RHBDD1: variants seen among roughly 807,000 people sequenced by gnomAD.
RHBDD1 encodes rhomboid-related protein 4.
In RHBDD1, 38 loss-of-function variants were observed where a neutral mutation model predicts 36.3. The observed-to-expected ratio is 1.05, with a 90% CI of 0.81 to 1.37. RHBDD1 has a LOEUF of 1.37. Ranked by LOEUF, RHBDD1 falls within the 40% of genes most tolerant of loss-of-function variation. The probability of loss-of-function intolerance (pLI) is 0.00; values close to 1 mark genes in which losing one functional copy is unlikely to be tolerated. For missense variants in RHBDD1, 393 were observed against 377.6 expected, an observed-to-expected ratio of 1.04 and a Z score of -0.34; for synonymous variants, 151 against 136.5, an observed-to-expected ratio of 1.11 and a Z score of -0.74.
At chr2:226,861,508 T>C (rs1943851165) in intron 3 of RHBDD1, among the ~76,000 whole-genome samples, 1 of 152,230 alleles carries the variant, frequency 6.6e-6, no homozygotes, top group South Asian at 2.1e-4. Context: ...TGATTGTAAT[T>C]GAGGGGCAAG....
At chr2:226,879,687 C>T (rs533318748) in intron 5 of RHBDD1, among the ~76,000 whole-genome samples, 3 of 152,260 alleles carry the variant, frequency 2.0e-5, no homozygotes, top group African/African-American at 7.2e-5. Flanking sequence ...GTATTTCTGA[C>T]AGCTTGGTAG....
intron 4 of RHBDD1, among the ~76,000 whole-genome samples, chr2:226,866,247 T>G (rs1944324670): frequency 6.6e-6 from 1 of 152,082 alleles, no homozygotes; most frequent in Admixed American, 6.6e-5. Flanking sequence ...AATTTTTGTA[T>G]TTTTAGTACA....
chr2:226,984,980 A>G (rs1039407602), intron 8 of RHBDD1, among the ~76,000 whole-genome samples: 1 of 150,742 alleles, frequency 6.6e-6, no homozygotes, highest in Non-Finnish European at 1.5e-5. Flanking sequence ...GGGGGCAAGT[A>G]CAAGTGGGGG....
intron 8 of RHBDD1, among the ~76,000 whole-genome samples, chr2:226,986,275 C>G (rs563511618): frequency 6.6e-6 from 1 of 151,840 alleles, no homozygotes; most frequent in East Asian, 1.9e-4. Context: ...GATTGGACCC[C>G]GAACAGAAAA....
chr2:226,830,867 A>ACCATCTTG (rs1940724139), upstream of RHBDD1, among the ~76,000 whole-genome samples: 1 of 152,104 alleles, frequency 6.6e-6, no homozygotes, highest in Non-Finnish European at 1.5e-5. Flanking sequence ...ATAGGATCTC[A>ACCATCTTG]CCATCTTGCC....
At chr2:226,935,768 A>G (rs551294771) in intron 8 of RHBDD1, among the ~76,000 whole-genome samples, 3 of 152,238 alleles carry the variant, frequency 2.0e-5, no homozygotes, top group Admixed American at 1.3e-4. Flanking sequence ...TTTTTGACAT[A>G]CAGGTCTCAG....
chr2:226,971,421 A>G (rs1953475581), intron 8 of RHBDD1, among the ~76,000 whole-genome samples: 1 of 152,220 alleles, frequency 6.6e-6, no homozygotes, highest in Non-Finnish European at 1.5e-5. Flanking sequence ...GGCATCTTCA[A>G]GCTGTGTATC....
At chr2:226,848,422 G>A (rs1020664763) in intron 3 of RHBDD1, among the ~76,000 whole-genome samples, 2 of 152,170 alleles carry the variant, frequency 1.3e-5, no homozygotes, top group African/African-American at 2.4e-5. Context: ...GATAGTCAAA[G>A]TGTCATATCT....
intron 5 of RHBDD1, among the ~76,000 whole-genome samples, chr2:226,884,853 A>T (rs1946079887): frequency 6.6e-6 from 1 of 152,176 alleles, no homozygotes. Flanking sequence ...GGAAAATTTT[A>T]ATTTCTAAGC....
chr2:226,886,585 G>A (rs565914445), intron 5 of RHBDD1, among the ~76,000 whole-genome samples: 2 of 152,298 alleles, frequency 1.3e-5, no homozygotes, highest in East Asian at 3.9e-4. Flanking sequence ...ACAAGATTAG[G>A]CTACAAAGGC....
chr2:226,959,262 T>C (rs2149258168), intron 8 of RHBDD1, among the ~76,000 whole-genome samples: 1 of 152,350 alleles, frequency 6.6e-6, no homozygotes, highest in East Asian at 1.9e-4. Flanking sequence ...TATACAGTTA[T>C]TAATTTGGAT....
At chr2:226,945,083 A>G (rs1950885562) in intron 8 of RHBDD1, among the ~76,000 whole-genome samples, 1 of 151,862 alleles carries the variant, frequency 6.6e-6, no homozygotes, top group South Asian at 2.1e-4. Context: ...TGAAGGGCTC[A>G]GTATGATGTG....
At chr2:226,818,736 G>T in the RHBDD1 span, among the ~76,000 whole-genome samples, 1 of 151,926 alleles carries the variant, frequency 6.6e-6, no homozygotes, top group African/African-American at 2.4e-5. Flanking sequence ...CTACTTGGGA[G>T]GCTGAGGCAG....
intron 5 of RHBDD1, among the ~76,000 whole-genome samples, chr2:226,890,463 T>A (rs918832933): frequency 6.6e-6 from 1 of 152,212 alleles, no homozygotes; most frequent in Admixed American, 6.5e-5. Flanking sequence ...GTAGTAACAT[T>A]CTTCTTGACT....
intron 8 of RHBDD1, among the ~76,000 whole-genome samples, chr2:226,925,523 C>A (rs1949609535): frequency 6.6e-6 from 1 of 152,014 alleles, no homozygotes; most frequent in South Asian, 2.1e-4. Flanking sequence ...ATAAAATAAG[C>A]CAACTCAAAC....
intron 4 of RHBDD1, among the ~76,000 whole-genome samples, chr2:226,866,268 C>T (rs1257915064): frequency 6.6e-6 from 1 of 152,132 alleles, no homozygotes; most frequent in Non-Finnish European, 1.5e-5. Context: ...GATGGGGTTT[C>T]ACCATGCTGG....
At chr2:226,900,352 A>T (rs1038325122) in intron 5 of RHBDD1, among the ~76,000 whole-genome samples, 1 of 152,106 alleles carries the variant, frequency 6.6e-6, no homozygotes, top group Non-Finnish European at 1.5e-5. Context: ...CCCTGGAAAA[A>T]TTATTTTTCT....
At chr2:226,970,387 T>TG (rs1417316434) in intron 8 of RHBDD1, among the ~76,000 whole-genome samples, 39 of 152,214 alleles carry the variant, frequency 2.6e-4, no homozygotes, top group African/African-American at 8.2e-4. Context: ...TTTACTAAAA[T>TG]AAGCTTTTTT....
At position 226,908,880 on chromosome 2, in the gene RHBDD1, T is replaced by C. The variant is rs770713608; in HGVS notation, c.712+2T>C. ...GGCAATACTACTTTAATAGTTCAGGTAGGCACTGTATTTCATTTAATAAAT... is the reference window on the plus strand; with the variant it reads ...GGCAATACTACTTTAATAGTTCAGGCAGGCACTGTATTTCATTTAATAAAT... On this transcript the variant is annotated splice_donor_variant, in intron 7 of 8. Coordinates refer to ENST00000392062, the MANE Select transcript of RHBDD1 (RefSeq NM_001167608.3). LOFTEE classifies it high-confidence loss of function. 6 of 1,567,234 alleles carry C rather than the reference T, an allele frequency of 3.8e-6. No individual in the cohort carries two copies. The highest frequency in any genetic ancestry group is 5.3e-6 in the Non-Finnish European group (6 of 1,138,160).
Sources: allele counts gnomAD v4.1 joint callset (sites outside exome capture counted in the v4.1 genomes callset), GRCh38; gene constraint gnomAD v4.1.1; transcripts MANE v1.5; gene names NCBI Gene and HGNC (gene_info 2026-07-23, HGNC 2026-07-21).